Variants in GLRA2 observed in about 807,000 individuals in gnomAD.
GLRA2 encodes the protein glycine receptor subunit alpha-2.
Under a neutral mutation model 31.6 loss-of-function variants are expected in GLRA2, and 11 were observed. The ratio of observed to expected loss-of-function variants is 0.35; its 90% CI spans 0.22 to 0.58. The LOEUF (loss-of-function observed/expected upper bound fraction) is 0.58. Among genes scored for constraint, GLRA2 ranks in the 20% least tolerant of loss-of-function variants. The pLI, the probability that GLRA2 is intolerant of heterozygous loss-of-function variation, is 0.84. For synonymous variants in GLRA2, 132 were observed against 134.0 expected, an observed-to-expected ratio of 0.99 and a Z score of 0.10; for missense variants, 212 against 351.8, an observed-to-expected ratio of 0.60 and a Z score of 3.18.
At chrX:14,518,034 T>A in the GLRA2 span, among the ~76,000 whole-genome samples, 1 of 111,208 alleles carries the variant, frequency 9.0e-6, no homozygotes, top group Non-Finnish European at 1.9e-5. Flanking sequence ...AACAACTTAA[T>A]TGAATAGTTT....
At chrX:14,659,457 G>C (rs2090971354) in intron 7 of GLRA2, among the ~76,000 whole-genome samples, 1 of 99,496 alleles carries the variant, frequency 1.0e-5, no homozygotes, top group African/African-American at 3.5e-5. Flanking sequence ...ATTTGTGTTG[G>C]GTGAAATTAA....
the GLRA2 span, among the ~76,000 whole-genome samples, chrX:14,488,920 C>T: frequency 0.013 from 1,468 of 111,528 alleles, 10 homozygotes; most frequent in Middle Eastern, 0.033. Flanking sequence ...ATTATTCATT[C>T]ATTTTTTTGT....
chrX:14,552,680 C>T (rs984506510), intron 2 of GLRA2, among the ~76,000 whole-genome samples: 1 of 111,741 alleles, frequency 8.9e-6, no homozygotes, highest in Admixed American at 9.5e-5. Flanking sequence ...AGCCAATACC[C>T]CAAAAGACTC....
At chrX:14,693,732 ATAT>A (rs1441350706) in intron 8 of GLRA2, among the ~76,000 whole-genome samples, 1 of 112,138 alleles carries the variant, frequency 8.9e-6, no homozygotes, top group Non-Finnish European at 1.9e-5. Context: ...CACTGAAATA[ATAT>A]TATCTGAGTA....
chrX:14,518,028 ACTT>A, the GLRA2 span, among the ~76,000 whole-genome samples: 1 of 111,469 alleles, frequency 9.0e-6, no homozygotes, highest in African/African-American at 3.3e-5. Context: ...AAAGGAAACA[ACTT>A]AATTGAATAG....
At chrX:14,518,275 C>G in the GLRA2 span, among the ~76,000 whole-genome samples, 1 of 111,872 alleles carries the variant, frequency 8.9e-6, no homozygotes, top group African/African-American at 3.3e-5. Context: ...ATGGCAAGAG[C>G]ATAAATTTTA....
chrX:14,556,180 C>G (rs907642444), intron 2 of GLRA2, among the ~76,000 whole-genome samples: 4 of 111,590 alleles, frequency 3.6e-5, no homozygotes, highest in Admixed American at 1.9e-4. Context: ...TATCATAACT[C>G]CAAACATAGT....
chrX:14,691,581 G>A (rs894240313), intron 8 of GLRA2, among the ~76,000 whole-genome samples: 1 of 111,069 alleles, frequency 9.0e-6, no homozygotes, highest in Admixed American at 9.6e-5. Flanking sequence ...ATCGCCTGGG[G>A]ATATTTTAAA....
the GLRA2 span, among the ~76,000 whole-genome samples, chrX:14,486,178 C>T: frequency 3.6e-5 from 4 of 111,281 alleles, no homozygotes; most frequent in Admixed American, 9.6e-5. Flanking sequence ...AAGAGAGGGC[C>T]TGGAATTGTG....
intron 8 of GLRA2, among the ~76,000 whole-genome samples, chrX:14,723,882 T>G (rs1262894945): frequency 8.9e-6 from 1 of 112,349 alleles, no homozygotes; most frequent in African/African-American, 3.2e-5. Context: ...TTATCATAGT[T>G]AGTAATTATG....
chrX:14,537,102 A>G (rs956546843), intron 2 of GLRA2, among the ~76,000 whole-genome samples: 3 of 111,454 alleles, frequency 2.7e-5, no homozygotes, highest in African/African-American at 9.8e-5. Context: ...AAGGGAGAAT[A>G]GAAAGAAGGA....
At chrX:14,504,854 G>A in the GLRA2 span, among the ~76,000 whole-genome samples, 8,086 of 111,706 alleles carry the variant, frequency 0.072, 319 homozygotes, top group Non-Finnish European at 0.11. Flanking sequence ...GCCAAGATAT[G>A]ATGTTTTTCA....
chrX:14,492,496 CAT>C, the GLRA2 span, among the ~76,000 whole-genome samples: 7 of 111,718 alleles, frequency 6.3e-5, no homozygotes, highest in Admixed American at 4.8e-4. Context: ...TAAATAAACA[CAT>C]AAAAGTATAT....
At chrX:14,501,762 A>G in the GLRA2 span, among the ~76,000 whole-genome samples, 22 of 111,779 alleles carry the variant, frequency 2.0e-4, no homozygotes, top group African/African-American at 6.8e-4. Flanking sequence ...TTATAGTTGT[A>G]TTAGTTTGCT....
At chrX:14,601,723 C>T (rs963217929) in intron 4 of GLRA2, among the ~76,000 whole-genome samples, 1 of 111,368 alleles carries the variant, frequency 9.0e-6, no homozygotes, top group Non-Finnish European at 1.9e-5. Context: ...AATCGCAACC[C>T]TTTCCTTTCT....
chrX:14,483,031 C>T, the GLRA2 span, among the ~76,000 whole-genome samples: 1 of 111,628 alleles, frequency 9.0e-6, no homozygotes, highest in Non-Finnish European at 1.9e-5. Flanking sequence ...CTTCTTAAAA[C>T]ATTAGAAGTT....
chrX:14,604,693 G>T (rs892037061), intron 5 of GLRA2, among the ~76,000 whole-genome samples: 1 of 109,126 alleles, frequency 9.2e-6, no homozygotes, highest in African/African-American at 3.3e-5. Flanking sequence ...GCCTGATTTG[G>T]TAAGCTTTTC....
rs139937079 is a variant in GLRA2, at chrX:14,613,500, A to G, written c.930+4295A>G. 1.5e-3 allele frequency among the ~76,000 whole-genome samples: 171 copies of G among 112,248 alleles called. 1 individual carries two copies. Among genetic ancestry groups the G allele is most frequent in the African/African-American group, 5.3e-3 (163 of 30,967 alleles). On this transcript the variant is annotated intron_variant, in intron 7 of 8. Transcript: ENST00000218075. The stretch of plus-strand genomic sequence containing the variant: ...AAAGCAAAACAACAATAAAAAAAAT[A>G]ACCAATACAGCATAACAACTATACA...
chrX:14,504,570 T>A, the GLRA2 span, among the ~76,000 whole-genome samples: 1 of 111,629 alleles, frequency 9.0e-6, no homozygotes, highest in African/African-American at 3.2e-5. Context: ...ATGAGTGAAG[T>A]AACGGACACT....
Sources: gnomAD v4.1 joint callset for allele counts (sites outside exome capture counted in the v4.1 genomes callset) on GRCh38, gnomAD v4.1.1 for gene constraint, MANE v1.5 for transcripts, NCBI Gene and HGNC (gene_info 2026-07-23, HGNC 2026-07-21) for gene names.